Variants in ETS1 observed in about 807,000 individuals in gnomAD.
ETS1 encodes the protein ETS proto-oncogene 1, transcription factor.
ETS1 carries 15 observed loss-of-function variants against 58.6 expected under a neutral mutation model. The observed-to-expected ratio is 0.26, with a 90% CI of 0.17 to 0.39. ETS1 has a LOEUF of 0.39. Among genes scored for constraint, ETS1 ranks in the 10% least tolerant of loss-of-function variants. ETS1 has a pLI of 1.00. For synonymous variants in ETS1, 214 were observed against 218.2 expected, an observed-to-expected ratio of 0.98 and a Z score of 0.17; for missense variants, 417 against 610.5, an observed-to-expected ratio of 0.68 and a Z score of 3.34.
intron 3 of ETS1, among the ~76,000 whole-genome samples, chr11:128,552,646 T>A (rs7115781): frequency 6.6e-6 from 1 of 152,090 alleles, no homozygotes; most frequent in Non-Finnish European, 1.5e-5. Flanking sequence ...TTTTCTGATA[T>A]GAACTATGAC....
intron 3 of ETS1, among the ~76,000 whole-genome samples, chr11:128,495,615 A>G (rs749460303): frequency 9.9e-5 from 15 of 152,252 alleles, no homozygotes; most frequent in Non-Finnish European, 1.3e-4. Context: ...GGCTTACTGA[A>G]ATATATTTTT....
intron 3 of ETS1, chr11:128,526,532 GC>G (rs1863804742): frequency 4.6e-6 from 1 of 216,228 alleles, no homozygotes; most frequent in Admixed American, 5.3e-5. Flanking sequence ...TCTGTCTACA[GC>G]CATCTCTTTG....
At chr11:128,533,260 C>T (rs1409092885) in intron 3 of ETS1, among the ~76,000 whole-genome samples, 3 of 152,214 alleles carry the variant, frequency 2.0e-5, no homozygotes, top group Admixed American at 2.0e-4. Context: ...CCCCACATCG[C>T]AATACACAAG....
At chr11:128,569,912 A>G (rs1864590992) in intron 2 of ETS1, among the ~76,000 whole-genome samples, 2 of 152,186 alleles carry the variant, frequency 1.3e-5, no homozygotes, top group Admixed American at 6.5e-5. Context: ...TTTAGTGAAA[A>G]GGATCTCACA....
At chr11:128,521,761 C>T (rs192671144) in intron 3 of ETS1, 5 of 571,924 alleles carry the variant, frequency 8.7e-6, no homozygotes, top group Non-Finnish European at 1.5e-5. Flanking sequence ...CCTCCTTCTC[C>T]TCCTCGTCCT....
chr11:128,573,913 G>C (rs1053539194), intron 1 of ETS1, among the ~76,000 whole-genome samples: 2 of 152,126 alleles, frequency 1.3e-5, no homozygotes, highest in Non-Finnish European at 2.9e-5. Context: ...GAATAATCTC[G>C]AAGATTAAAT....
intron 3 of ETS1, among the ~76,000 whole-genome samples, chr11:128,498,206 T>C (rs910077372): frequency 2.6e-5 from 4 of 152,132 alleles, no homozygotes; most frequent in African/African-American, 7.2e-5. Context: ...CAACAAATCA[T>C]TGGCTACTTG....
At chr11:128,473,279 C>T (rs1352931683) in intron 8 of ETS1, among the ~76,000 whole-genome samples, 3 of 152,138 alleles carry the variant, frequency 2.0e-5, no homozygotes, top group Non-Finnish European at 4.4e-5. Flanking sequence ...TGTTCCCTGG[C>T]CTCAAGGAAC....
intron 3 of ETS1, among the ~76,000 whole-genome samples, chr11:128,550,124 C>T (rs1864206408): frequency 6.6e-6 from 1 of 152,170 alleles, no homozygotes; most frequent in African/African-American, 2.4e-5. Context: ...GGTTGGGAAG[C>T]TCAGTGGACT....
rs1565420780 is a variant in ETS1, at chr11:128,584,986, GA to G, written c.-15+2501del. ...AGAAAGAAAGAAAGAAAGAAAGAAAGAAAGGAAGGAAGGAAGGAAAGAAAGG... is the reference window on the plus strand; with the variant it reads ...AGAAAGAAAGAAAGAAAGAAAGAAAGAAGGAAGGAAGGAAGGAAAGAAAGG... On this transcript the variant is annotated intron_variant, in intron 1 of 9. Transcript: ENST00000392668. Among the ~76,000 whole-genome samples, 15 of 53,654 alleles carry G rather than the reference GA, an allele frequency of 2.8e-4. 4 individuals are homozygous for G. Among genetic ancestry groups the G allele is most frequent in the Non-Finnish European group, 9.9e-5 (3 of 30,156 alleles). The allele number at this position is 53,654 out of a possible 152,430, so 35.2% of individuals were successfully genotyped here.
At chr11:128,504,752 GC>G (rs1423447624) in intron 3 of ETS1, among the ~76,000 whole-genome samples, 2 of 152,088 alleles carry the variant, frequency 1.3e-5, no homozygotes, top group African/African-American at 4.8e-5. Context: ...GGAGGGAGAG[GC>G]TTTCTCCTAT....
intron 8 of ETS1, among the ~76,000 whole-genome samples, chr11:128,477,440 T>G (rs1862352329): frequency 6.6e-6 from 1 of 152,224 alleles, no homozygotes; most frequent in South Asian, 2.1e-4. Flanking sequence ...CAGCCATTTA[T>G]AGGCACTCTA....
intron 1 of ETS1, among the ~76,000 whole-genome samples, chr11:128,585,601 C>T (rs1485638923): frequency 6.6e-6 from 1 of 152,188 alleles, no homozygotes; most frequent in Non-Finnish European, 1.5e-5. Context: ...TCACCCTCCC[C>T]TAGGTGAGAG....
At chr11:128,573,188 G>A in intron 1 of ETS1, 44 bp from the exon 2 acceptor site, 1 of 1,380,938 alleles carries the variant, frequency 7.2e-7, no homozygotes, top group South Asian at 1.2e-5. Context: ...ATGCTCACAG[G>A]TTTGTGGATT....
intron 3 of ETS1, chr11:128,536,300 A>G (rs968970014): frequency 6.6e-6 from 1 of 152,248 alleles, no homozygotes; most frequent in Non-Finnish European, 1.5e-5. Flanking sequence ...CAAGTAAACT[A>G]TAAGGCAGAA....
chr11:128,482,608 G>A (rs1042814636), intron 7 of ETS1, among the ~76,000 whole-genome samples: 2 of 152,188 alleles, frequency 1.3e-5, no homozygotes, highest in African/African-American at 4.8e-5. Context: ...GTTGAGAGTT[G>A]TGGTTTACAG....
chr11:128,526,785 G>T (rs4936052), intron 3 of ETS1: 20,699 of 365,246 alleles, frequency 0.057, 674 homozygotes, highest in South Asian at 0.07. Flanking sequence ...GATCACATTT[G>T]TAGTGCCTCT....
intron 8 of ETS1, among the ~76,000 whole-genome samples, chr11:128,467,562 T>C (rs1383840050): frequency 1.3e-5 from 2 of 152,142 alleles, no homozygotes; most frequent in Non-Finnish European, 2.9e-5. Context: ...CCCTTATCCC[T>C]GTGCCCAGCC....
chr11:128,463,152 C>A lies in ETS1; in HGVS notation c.1242+357G>T, dbSNP rs1352905179. On this transcript the variant is annotated intron_variant, in intron 9 of 9. Coordinates refer to ENST00000392668, the MANE Select transcript of ETS1 (RefSeq NM_001143820.2). This position sits in a 1 kb window ranked among gnomAD's most constrained non-coding sequence, Gnocchi z 4.1. ...TGTAATGAAATAAGAAACTAATGAG[C>A]CAATCTCCCAAGGCCTCTTGAACTG... Among the ~76,000 whole-genome samples the A allele has an allele frequency of 3.3e-5, 5 of 152,148 alleles. No homozygotes were observed. The highest frequency in any genetic ancestry group is 7.3e-5 in the Non-Finnish European group (5 of 68,034).
Sources: gnomAD v4.1 joint callset for allele counts (sites outside exome capture counted in the v4.1 genomes callset) on GRCh38, gnomAD v4.1.1 for gene constraint, Gnocchi (gnomAD v3.1) non-coding constraint, MANE v1.5 for transcripts, NCBI Gene and HGNC (gene_info 2026-07-23, HGNC 2026-07-21) for gene names.